HECW2: variants seen among roughly 807,000 people sequenced by gnomAD.
The protein encoded by HECW2 is E3 ubiquitin-protein ligase HECW2.
HECW2 carries 61 observed loss-of-function variants against 175.2 expected under a neutral mutation model. That is an observed-to-expected ratio of 0.35 (90% CI 0.28 to 0.43). HECW2 has a LOEUF of 0.43. Ranked by LOEUF, HECW2 falls within the 20% of genes least tolerant of loss-of-function variation. The pLI, the probability that HECW2 is intolerant of heterozygous loss-of-function variation, is 1.00. For missense variants in HECW2, 1,524 were observed against 2,000.5 expected, an observed-to-expected ratio of 0.76 and a Z score of 4.54; for synonymous variants, 671 against 731.0, an observed-to-expected ratio of 0.92 and a Z score of 1.32.
intron 1 of HECW2, among the ~76,000 whole-genome samples, chr2:196,480,046 C>A (rs1181387171): frequency 6.6e-6 from 1 of 152,160 alleles, no homozygotes; most frequent in Non-Finnish European, 1.5e-5. Flanking sequence ...ACCACTGCCA[C>A]TCCCCCCAAA....
rs372869226 is a variant in HECW2 at position 196,444,149 on chromosome 2, C to T, written c.-35-10691G>A. 1.5e-4 allele frequency among the ~76,000 whole-genome samples: 23 copies of T among 152,328 alleles called. No individual in the cohort carries two copies. In the South Asian group the frequency reaches 4.4e-3, roughly 29 times the overall value. ...ACTTTTACTCCTTTGTAACCTTAAG[C>T]GGAAGATATCTTTTCTCTTTTGTGT... On this transcript the variant is annotated intron_variant, in intron 1 of 28. Coordinates refer to ENST00000644978, the MANE Select transcript of HECW2 (RefSeq NM_001348768.2).
rs756830235 is a variant in HECW2, at chr2:196,318,877, G to T, written c.2013C>A (p.Thr671=). ...CCTCCTCCTGAGAAGAAAAGGCTGG[G>T]GTTTCAGGAAACCGTGCGCTCTCAA... ...SSLESARFPE[T]PAFSSQEEED... is the part of the protein sequence containing the mutation. Residue 671 remains threonine, a synonymous_variant, in exon 9 of 29, where the codon ACC becomes ACA. Coordinates refer to ENST00000644978, the MANE Select transcript of HECW2 (RefSeq NM_001348768.2). 1.3e-6 allele frequency: 2 copies of T among 1,555,680 alleles called. No individual in the cohort carries two copies. Among genetic ancestry groups the T allele is most frequent in the East Asian group, 4.5e-5 (2 of 44,342 alleles).
intron 2 of HECW2, chr2:196,362,086 G>T (rs1271907568): frequency 3.0e-6 from 3 of 985,230 alleles, no homozygotes; most frequent in Non-Finnish European, 3.6e-6. Flanking sequence ...ATTCCGGCAG[G>T]TCTCTAACAA....
At chr2:196,549,601 T>TG (rs956062907) in intron 1 of HECW2, among the ~76,000 whole-genome samples, 5 of 152,094 alleles carry the variant, frequency 3.3e-5, no homozygotes, top group African/African-American at 1.2e-4. Context: ...GCTCTTTTTT[T>TG]TTTTTTTAAC....
At chr2:196,278,802 T>A in intron 14 of HECW2, 140 bp from the exon 15 acceptor site, 1 of 954,812 alleles carries the variant, frequency 1.0e-6, no homozygotes. Flanking sequence ...TTTGGGGAAA[T>A]TTCTCCTTAC....
chr2:196,485,741 A>C (rs1033332127), intron 1 of HECW2, among the ~76,000 whole-genome samples: 1 of 152,228 alleles, frequency 6.6e-6, no homozygotes, highest in Non-Finnish European at 1.5e-5. Context: ...CATGATCATA[A>C]GGAAAATAAG....
chr2:196,560,518 TA>T (rs1180187590), intron 1 of HECW2, among the ~76,000 whole-genome samples: 1 of 152,074 alleles, frequency 6.6e-6, no homozygotes, highest in Non-Finnish European at 1.5e-5. Flanking sequence ...AACTGAGCTT[TA>T]AAAAAAATCT....
Position 196,484,438 on chromosome 2 carries a change from C to G in HECW2, c.-35-50980G>C, listed in dbSNP as rs540626021. On this transcript the variant is annotated intron_variant, in intron 1 of 28. Coordinates refer to ENST00000644978, the MANE Select transcript of HECW2 (RefSeq NM_001348768.2). ...AATCTCTCTCAGGTTGCTTACACAG[C>G]GTGATCCTGAAGGCTGCCCAGCACA... 4.6e-5 allele frequency among the ~76,000 whole-genome samples: 7 copies of G among 152,282 alleles called. No individual in the cohort carries two copies. In the South Asian group the frequency reaches 1.2e-3, roughly 27 times the overall value.
intron 17 of HECW2, chr2:196,264,295 T>G (rs947422675): frequency 2.6e-5 from 4 of 152,220 alleles, no homozygotes; most frequent in Non-Finnish European, 4.4e-5. Context: ...ATATTTTGCT[T>G]TGGTCCACAG....
At chr2:196,401,972 G>A (rs529381119) in intron 2 of HECW2, among the ~76,000 whole-genome samples, 15 of 151,940 alleles carry the variant, frequency 9.9e-5, no homozygotes, top group Admixed American at 2.6e-4. Flanking sequence ...AGGCTGAGGC[G>A]GGCGGATCAC....
intron 10 of HECW2, among the ~76,000 whole-genome samples, chr2:196,315,307 A>AT (rs2105741975): frequency 6.6e-6 from 1 of 152,340 alleles, no homozygotes; most frequent in African/African-American, 2.4e-5. Flanking sequence ...ATTAGCACAG[A>AT]TAAGTGTTTC....
chr2:196,357,030 T>C (rs911450787), intron 2 of HECW2, among the ~76,000 whole-genome samples: 11 of 152,200 alleles, frequency 7.2e-5, no homozygotes, highest in South Asian at 2.1e-4. Context: ...CTGAGGATAA[T>C]GGAAAGTCAT....
intron 1 of HECW2, among the ~76,000 whole-genome samples, chr2:196,556,398 G>A (rs1689796081): frequency 6.6e-6 from 1 of 152,128 alleles, no homozygotes; most frequent in Non-Finnish European, 1.5e-5. Flanking sequence ...TCTCCAGAAT[G>A]TATTCATCTT....
At chr2:196,519,445 G>A (rs949634199) in intron 1 of HECW2, among the ~76,000 whole-genome samples, 5 of 152,098 alleles carry the variant, frequency 3.3e-5, no homozygotes, top group Non-Finnish European at 2.9e-5. Flanking sequence ...ATGGTAACCC[G>A]TCTATGTTCT....
chr2:196,431,607 A>G (rs1376739645), intron 2 of HECW2, among the ~76,000 whole-genome samples: 2 of 152,202 alleles, frequency 1.3e-5, no homozygotes, highest in Admixed American at 6.5e-5. Flanking sequence ...TGAAGTGCAA[A>G]AGAGTGAAAT....
chr2:196,364,279 C>T (rs1376864653), intron 2 of HECW2, among the ~76,000 whole-genome samples: 1 of 152,172 alleles, frequency 6.6e-6, no homozygotes, highest in Non-Finnish European at 1.5e-5. Flanking sequence ...AAACCTACTT[C>T]CCCCCAGCAT....
intron 2 of HECW2, among the ~76,000 whole-genome samples, chr2:196,407,524 G>T (rs1694996932): frequency 6.6e-6 from 1 of 152,100 alleles, no homozygotes; most frequent in Non-Finnish European, 1.5e-5. Flanking sequence ...ACAAACATTT[G>T]TTTAATTTTC....
intron 1 of HECW2, among the ~76,000 whole-genome samples, chr2:196,515,336 T>C (rs1326230969): frequency 6.6e-6 from 1 of 152,226 alleles, no homozygotes; most frequent in East Asian, 1.9e-4. Context: ...TGCAGGCTGC[T>C]GGGCCAAGTG....
chr2:196,277,039 T>C (rs1575342800), intron 15 of HECW2, among the ~76,000 whole-genome samples: 2 of 152,208 alleles, frequency 1.3e-5, no homozygotes, highest in Admixed American at 1.3e-4. Context: ...CAAATTCTAT[T>C]GTCTAAGGGA....
Sources: gnomAD v4.1 joint callset for allele counts (sites outside exome capture counted in the v4.1 genomes callset) on GRCh38, gnomAD v4.1.1 for gene constraint, MANE v1.5 for transcripts, NCBI Gene and HGNC (gene_info 2026-07-23, HGNC 2026-07-21) for gene names.